Variants in PDE2A observed in about 807,000 individuals in gnomAD.
The protein encoded by PDE2A is phosphodiesterase 2A, also known as cGMP-dependent 3',5'-cyclic phosphodiesterase.
A neutral mutation model predicts 133.6 loss-of-function variants in PDE2A; 53 were observed. The ratio of observed to expected loss-of-function variants is 0.40; its 90% CI spans 0.32 to 0.50. The LOEUF (loss-of-function observed/expected upper bound fraction) is 0.50, where lower values mean the gene tolerates loss of function less well. Ranked by LOEUF, PDE2A falls within the 20% of genes least tolerant of loss-of-function variation. The pLI, the probability that PDE2A is intolerant of heterozygous loss-of-function variation, is 0.73. For missense variants in PDE2A, 796 were observed against 1,232.4 expected (o/e 0.65, Z 5.30); for synonymous variants, 491 against 490.2 (o/e 1.00, Z -0.02).
rs571976960 is a variant in PDE2A, at chr11:72,674,216, A to G, written c.-9T>C. On this transcript the variant is annotated 5_prime_UTR_variant, in exon 1 of 31. The change abolishes an upstream ATG in the 5' untranslated region. Transcript: ENST00000334456. ...CCGCATGCCTGCCCCATCACTCCTCATCGTCCGCCTCCCCAGCCAGACTAA... is the reference window on the plus strand; with the variant it reads ...CCGCATGCCTGCCCCATCACTCCTCGTCGTCCGCCTCCCCAGCCAGACTAA... The G allele has an allele frequency of 3.1e-5, 50 of 1,607,324 alleles. No individual in the cohort carries two copies. In the South Asian group the frequency reaches 5.1e-4, roughly 16 times the overall value.
At chr11:72,653,643 G>A (rs544188809) in intron 1 of PDE2A, among the ~76,000 whole-genome samples, 6 of 152,258 alleles carry the variant, frequency 3.9e-5, no homozygotes, top group Non-Finnish European at 7.4e-5. Flanking sequence ...GTGGTGACTC[G>A]GACGCGGAGA....
intron 2 of PDE2A, among the ~76,000 whole-genome samples, chr11:72,639,008 G>A (rs1211164026): frequency 6.6e-6 from 1 of 152,144 alleles, no homozygotes; most frequent in African/African-American, 2.4e-5. Context: ...AGAACCTTCT[G>A]GTATGTGACA....
At chr11:72,586,333 A>G (rs1855973825) in intron 13 of PDE2A, 152 bp from the exon 14 acceptor site, 1 of 625,044 alleles carries the variant, frequency 1.6e-6, no homozygotes, top group Non-Finnish European at 2.9e-6. Context: ...TCCCACCCCC[A>G]TGACCCTGCA....
At chr11:72,599,053 ACCCTG>A in intron 4 of PDE2A, 1 of 984,790 alleles carries the variant, frequency 1.0e-6, no homozygotes, top group African/African-American at 1.7e-5. Flanking sequence ...CCCTGGCCAA[ACCCTG>A]CCCAGCTCCT....
At position 72,620,592 on chromosome 11, in the gene PDE2A, G is replaced by T. The variant is rs114646442; in HGVS notation, c.145-11841C>A. Among the ~76,000 whole-genome samples, 282 of 152,256 alleles carry T rather than the reference G, an allele frequency of 1.9e-3. 1 individual carries two copies. Among genetic ancestry groups the T allele is most frequent in the African/African-American group, 6.4e-3 (265 of 41,550 alleles). Reference sequence around the variant, plus strand: ...AAGGAGCCCAAGGAAGTGGGTAAAGGTCCCAAAAGACAGGCACTTTGACAC... The same window carrying T: ...AAGGAGCCCAAGGAAGTGGGTAAAGTTCCCAAAAGACAGGCACTTTGACAC... On this transcript the variant is annotated intron_variant, in intron 2 of 30. Coordinates refer to ENST00000334456, the MANE Select transcript of PDE2A (RefSeq NM_002599.5).
At chr11:72,604,700 C>T (rs748201223) in intron 4 of PDE2A, among the ~76,000 whole-genome samples, 10 of 152,152 alleles carry the variant, frequency 6.6e-5, no homozygotes, top group South Asian at 2.1e-4. Flanking sequence ...CTCAGCAGGA[C>T]GCTGCCTGTG....
intron 16 of PDE2A, 155 bp from the exon 17 acceptor site, chr11:72,585,099 C>A: frequency 1.4e-6 from 1 of 695,656 alleles, no homozygotes; most frequent in South Asian, 1.8e-5. Context: ...AGAAACGTGT[C>A]CATTCAAGTG....
At chr11:72,669,067 AATC>A in intron 1 of PDE2A, 1 of 619,006 alleles carries the variant, frequency 1.6e-6, no homozygotes, top group Non-Finnish European at 2.0e-6. Flanking sequence ...GATTCTTCAG[AATC>A]ATCCTGCCAA....
intron 21 of PDE2A, 133 bp downstream of exon 21, chr11:72,582,311 T>C: frequency 1.1e-6 from 1 of 874,404 alleles, no homozygotes; most frequent in Non-Finnish European, 1.8e-6. Context: ...TACAAGCCCC[T>C]CCATCTCTGA....
chr11:72,619,710 C>T (rs748139000), intron 2 of PDE2A, among the ~76,000 whole-genome samples: 8 of 152,118 alleles, frequency 5.3e-5, no homozygotes, highest in African/African-American at 7.2e-5. Context: ...AGTGAGTGAA[C>T]GTGTGGCTGA....
intron 19 of PDE2A, 32 bp downstream of exon 19, chr11:72,584,169 A>AAAACC: frequency 2.3e-6 from 2 of 877,936 alleles, no homozygotes; most frequent in Non-Finnish European, 3.5e-6. Context: ...GCCCCCTATC[A>AAAACC]CCCCACACCC....
rs552072713 is a variant in PDE2A at position 72,589,034 on chromosome 11, G to A, written c.940-120C>T. 105 of 1,260,856 alleles carry A rather than the reference G, an allele frequency of 8.3e-5. 1 individual carries two copies. The African/African-American group carries it at 1.3e-3, about 16-fold the overall frequency. The allele number at this position is 1,260,856 out of a possible 1,614,324, so 78.1% of individuals were successfully genotyped here. A position where few individuals can be genotyped will look rare whatever the true frequency, so the allele number is the denominator to read the frequency against. ...GGACTCATGCAAGGCTGGAAGCTCT[G>A]TGTCATGGAGATGGGACAGTAGAAA... On this transcript the variant is annotated intron_variant, in intron 12 of 30. Transcript: ENST00000334456.
intron 19 of PDE2A, 114 bp from the exon 20 acceptor site, chr11:72,583,629 C>A: frequency 1.3e-6 from 1 of 744,566 alleles, no homozygotes; most frequent in Non-Finnish European, 2.4e-6. Flanking sequence ...CCCATTCTGG[C>A]CCCAGTCAAA....
rs1482582273 is a variant in PDE2A, at chr11:72,578,609, A to T, written c.2470-95T>A. 4.3e-5 allele frequency: 47 copies of T among 1,095,188 alleles called. No individual in the cohort carries two copies. The highest frequency in any genetic ancestry group is 6.3e-5 in the Non-Finnish European group (45 of 715,420). 67.8% of individuals were successfully genotyped at this position (1,095,188 alleles called of 1,614,324 possible). A position where few individuals can be genotyped will look rare whatever the true frequency, so the allele number is the denominator to read the frequency against. On this transcript the variant is annotated intron_variant, in intron 28 of 30. Coordinates refer to ENST00000334456, the MANE Select transcript of PDE2A (RefSeq NM_002599.5). The surrounding 1 kb of genome is among the most constrained non-coding windows in gnomAD (Gnocchi z 4.2). Reference sequence around the variant, plus strand: ...TTCCCAGGAGAGAAAACTGAGGCCCAGGGATTCAGTCCCAGCTCAGGAGCC... The same window carrying T: ...TTCCCAGGAGAGAAAACTGAGGCCCTGGGATTCAGTCCCAGCTCAGGAGCC...
rs1169662816 is a variant in PDE2A at position 72,578,454 on chromosome 11, C to G, written c.2508+22G>C. On this transcript the variant is annotated intron_variant, in intron 29 of 30. Transcript: ENST00000334456. This position sits in a 1 kb window ranked among gnomAD's most constrained non-coding sequence, Gnocchi z 4.2. ...AGGAACCCTCCCCCATCCTGGACAT[C>G]CTGGGGTCACTCCACACATACCAGG... 1.2e-6 allele frequency: 2 copies of G among 1,609,526 alleles called. No homozygotes were observed. The highest frequency in any genetic ancestry group is 1.7e-5 in the Admixed American group (1 of 59,992).
intron 4 of PDE2A, among the ~76,000 whole-genome samples, chr11:72,602,757 C>G (rs1270544498): frequency 6.6e-6 from 1 of 152,194 alleles, no homozygotes; most frequent in African/African-American, 2.4e-5. Context: ...GCCAATAGAC[C>G]GGGCCTCAGG....
intron 2 of PDE2A, among the ~76,000 whole-genome samples, chr11:72,620,656 C>T (rs549265236): frequency 6.6e-6 from 1 of 152,168 alleles, no homozygotes; most frequent in Non-Finnish European, 1.5e-5. Flanking sequence ...TATCCACCCC[C>T]ACCCTCCCGA....
In PDE2A at chr11:72,585,542, C is replaced by G. The variant is rs1185497054; in HGVS notation, c.1222+12G>C. The G allele has an allele frequency of 6.2e-7, 1 of 1,614,084 alleles. No individual in the cohort carries two copies. Among genetic ancestry groups the G allele is most frequent in the Non-Finnish European group, 8.5e-7 (1 of 1,179,914 alleles). On this transcript the variant is annotated intron_variant, in intron 15 of 30. Transcript: ENST00000334456. ...CCCACACACAGCCAGGCAGAGAGAA[C>G]AGTGCACTCACCCAGGTGGGTGAAG...
chr11:72,583,815 A>C (rs923247603), intron 19 of PDE2A, among the ~76,000 whole-genome samples: 1 of 152,100 alleles, frequency 6.6e-6, no homozygotes, highest in African/African-American at 2.4e-5. Flanking sequence ...AGAAGCAAGG[A>C]GGGGATCATG....
Sources: allele counts gnomAD v4.1 joint callset (sites outside exome capture counted in the v4.1 genomes callset), GRCh38; gene constraint gnomAD v4.1.1; non-coding constraint Gnocchi (gnomAD v3.1); transcripts MANE v1.5; gene names NCBI Gene and HGNC (gene_info 2026-07-23, HGNC 2026-07-21).